ADAMTS19: variants seen among roughly 807,000 people sequenced by gnomAD.
ADAMTS19 encodes ADAM metallopeptidase with thrombospondin type 1 motif 19.
ADAMTS19 carries 93 observed loss-of-function variants against 153.3 expected under a neutral mutation model. That is an observed-to-expected ratio of 0.61 (90% confidence interval 0.51 to 0.72). The LOEUF (loss-of-function observed/expected upper bound fraction) is 0.72, where lower values mean the gene tolerates loss of function less well. Ranked by LOEUF, ADAMTS19 falls within the 30% of genes least tolerant of loss-of-function variation. ADAMTS19 has a pLI of 0.00. For missense variants in ADAMTS19, 1,482 were observed against 1,552.1 expected (o/e 0.95, Z 0.76); for synonymous variants, 600 against 556.6 (o/e 1.08, Z -1.10).
intron 19 of ADAMTS19, 129 bp downstream of exon 19, chr5:129,694,984 A>C: frequency 8.5e-7 from 1 of 1,176,806 alleles, no homozygotes; most frequent in Non-Finnish European, 1.1e-6. Flanking sequence ...ACCAAAATTT[A>C]AAGTCTTAAA....
intron 7 of ADAMTS19, among the ~76,000 whole-genome samples, chr5:129,569,930 C>A (rs1011012845): frequency 3.3e-5 from 5 of 151,840 alleles, no homozygotes; most frequent in African/African-American, 1.2e-4. Context: ...ATAAGCAAAA[C>A]AAAACACACT....
intron 10 of ADAMTS19, among the ~76,000 whole-genome samples, chr5:129,629,699 T>A (rs1487602609): frequency 6.6e-6 from 1 of 152,140 alleles, no homozygotes; most frequent in Non-Finnish European, 1.5e-5. Flanking sequence ...CTCTTCTGCA[T>A]AAATTTGCAG....
intron 8 of ADAMTS19, among the ~76,000 whole-genome samples, chr5:129,608,487 C>T (rs1751036788): frequency 6.6e-6 from 1 of 152,012 alleles, no homozygotes; most frequent in South Asian, 2.1e-4. Context: ...TTTGGTTACA[C>T]TCTCTCAGCT....
chr5:129,550,596 A>G (rs1753055514), intron 6 of ADAMTS19, among the ~76,000 whole-genome samples: 2 of 151,048 alleles, frequency 1.3e-5, no homozygotes, highest in Non-Finnish European at 3.0e-5. Flanking sequence ...ATATGTATGT[A>G]TTAACTCACA....
chr5:129,656,861 ATTAC>A (rs1190767625), intron 14 of ADAMTS19, among the ~76,000 whole-genome samples: 1 of 152,236 alleles, frequency 6.6e-6, no homozygotes, highest in Non-Finnish European at 1.5e-5. Flanking sequence ...TAGTTGAACT[ATTAC>A]TTACTGTTTT....
At chr5:129,628,228 A>G (rs1157271269) in intron 10 of ADAMTS19, among the ~76,000 whole-genome samples, 1 of 152,114 alleles carries the variant, frequency 6.6e-6, no homozygotes, top group South Asian at 2.1e-4. Flanking sequence ...ATTTGTTCTC[A>G]CTGATAATTG....
chr5:129,659,634 G>C (rs1753737497), intron 15 of ADAMTS19, among the ~76,000 whole-genome samples: 1 of 152,106 alleles, frequency 6.6e-6, no homozygotes, highest in African/African-American at 2.4e-5. Flanking sequence ...GCTCAGGTTG[G>C]AGTGCAGTGG....
Position 129,684,138 on chromosome 5 carries a change from C to A in ADAMTS19, c.2683C>A (p.Gln895Lys). ...LHLLVLLFQD[Q>K]NYGLHYEYTI... ...ACTATAGGTGCTCCTGTTTCAGGAT[C>A]AGAATTATGGTCTTCACTATGAATA... The change falls in exon 18 of 23, where the codon CAG (glutamine) becomes AAG (lysine). Residue 895 changes from glutamine to lysine, a missense_variant. Gln to Lys is a moderately conservative substitution (Grantham distance 53, BLOSUM62 1). Transcript: ENST00000274487. 1 of 1,613,054 alleles carries A rather than the reference C, an allele frequency of 6.2e-7. No homozygotes were observed. Among genetic ancestry groups the A allele is most frequent in the South Asian group, 1.1e-5 (1 of 90,844 alleles).
chr5:129,598,489 C>T (rs1750489950), intron 8 of ADAMTS19, among the ~76,000 whole-genome samples: 1 of 152,170 alleles, frequency 6.6e-6, no homozygotes, highest in African/African-American at 2.4e-5. Context: ...TGTAATTACA[C>T]AGCTCACTGA....
intron 2 of ADAMTS19, among the ~76,000 whole-genome samples, chr5:129,466,436 T>G (rs1397220227): frequency 1.3e-5 from 2 of 151,972 alleles, no homozygotes; most frequent in East Asian, 3.8e-4. Flanking sequence ...AGCAGGTATA[T>G]ATTCATGGAA....
At chr5:129,651,954 T>C (rs1379029898) in intron 13 of ADAMTS19, among the ~76,000 whole-genome samples, 1 of 117,270 alleles carries the variant, frequency 8.5e-6, no homozygotes, top group Non-Finnish European at 1.9e-5. Flanking sequence ...CTGTGACAGT[T>C]AATAATGTCA....
chr5:129,626,466 T>C (rs1490130390), intron 10 of ADAMTS19, among the ~76,000 whole-genome samples: 1 of 152,102 alleles, frequency 6.6e-6, no homozygotes, highest in Non-Finnish European at 1.5e-5. Flanking sequence ...TTTAAATCTG[T>C]TTCTCAGTAT....
At chr5:129,528,447 ATTGTTG>A in intron 5 of ADAMTS19, 67 bp from the exon 6 acceptor site, 4 of 1,192,744 alleles carry the variant, frequency 3.4e-6, no homozygotes, top group South Asian at 2.0e-5. Context: ...TGCCTTTGTT[ATTGTTG>A]TTGTTGTTGT....
intron 17 of ADAMTS19, among the ~76,000 whole-genome samples, chr5:129,683,189 AAT>A (rs941483653): frequency 2.1e-5 from 3 of 142,016 alleles, no homozygotes; most frequent in Non-Finnish European, 3.0e-5. Context: ...TGTATAAAGA[AAT>A]ATATATATAT....
chr5:129,582,717 C>T (rs547628647), intron 7 of ADAMTS19, among the ~76,000 whole-genome samples: 52 of 151,436 alleles, frequency 3.4e-4, no homozygotes, highest in Non-Finnish European at 5.7e-4. Flanking sequence ...GGACTACAGG[C>T]GCCCACCACC....
chr5:129,692,845 T>C (rs960251391), intron 18 of ADAMTS19, among the ~76,000 whole-genome samples: 1 of 152,170 alleles, frequency 6.6e-6, no homozygotes, highest in Admixed American at 6.5e-5. Flanking sequence ...ACTTCTGGAA[T>C]GCCATAGGGT....
chr5:129,517,483 T>C (rs1751652891), intron 3 of ADAMTS19, among the ~76,000 whole-genome samples: 1 of 152,024 alleles, frequency 6.6e-6, no homozygotes, highest in South Asian at 2.1e-4. Context: ...GTTGCATATA[T>C]ATATTTAAAA....
intron 7 of ADAMTS19, among the ~76,000 whole-genome samples, chr5:129,591,176 A>G (rs1750114667): frequency 6.6e-6 from 1 of 152,130 alleles, no homozygotes; most frequent in Non-Finnish European, 1.5e-5. Context: ...CCTCTCTCAA[A>G]GCCTTTCCTG....
chr5:129,737,294 G>C lies in ADAMTS19; in HGVS notation c.*76G>C, dbSNP rs528501284. On this transcript the variant is annotated 3_prime_UTR_variant, in exon 23 of 23. Coordinates refer to ENST00000274487, the MANE Select transcript of ADAMTS19 (RefSeq NM_133638.6). ...AACACACACACTAGCATGTTTTTCA[G>C]ACCAAATATTATCAGATTACATATA... 54 of 1,302,280 alleles carry C rather than the reference G, an allele frequency of 4.1e-5. No homozygotes were observed. In the African/African-American group the frequency reaches 7.7e-4, roughly 19 times the overall value. The allele number at this position is 1,302,280 out of a possible 1,614,324, so 80.7% of individuals were successfully genotyped here.
Sources: allele counts gnomAD v4.1 joint callset (sites outside exome capture counted in the v4.1 genomes callset), GRCh38; gene constraint gnomAD v4.1.1; transcripts MANE v1.5; gene names NCBI Gene and HGNC (gene_info 2026-07-23, HGNC 2026-07-21).